Variants in PARVB observed in about 807,000 individuals in gnomAD.
The protein encoded by PARVB is beta-parvin.
In PARVB, 46 loss-of-function variants were observed where a neutral mutation model predicts 47.0. The observed-to-expected ratio is 0.98, with a 90% CI of 0.77 to 1.25. The LOEUF is 1.25. PARVB is among the 50% of genes most tolerant of loss of function. The probability of loss-of-function intolerance (pLI) is 0.00; values close to 1 mark genes in which losing one functional copy is unlikely to be tolerated. For synonymous variants in PARVB, 196 were observed against 196.3 expected, an observed-to-expected ratio of 1.00 and a Z score of 0.01; for missense variants, 473 against 471.6, an observed-to-expected ratio of 1.00 and a Z score of -0.03.
At chr22:44,059,559 C>G (rs1272995765) in intron 1 of PARVB, among the ~76,000 whole-genome samples, 2 of 152,278 alleles carry the variant, frequency 1.3e-5, no homozygotes, top group Admixed American at 6.5e-5. Context: ...CTGATGTACT[C>G]CTTTTGCATA....
chr22:44,166,912 G>C lies in PARVB; in HGVS notation c.1019-1690G>C, dbSNP rs1463769763. Among the ~76,000 whole-genome samples the C allele has an allele frequency of 2.0e-5, 3 of 152,214 alleles. No individual in the cohort carries two copies. In the East Asian group the frequency reaches 5.8e-4, roughly 29 times the overall value. ...GGGGTGCAGTGGCTGCGGTCTCCCT[G>C]ACACCCTCCTCTGAGCTAGGCAGAC... On this transcript the variant is annotated intron_variant, in intron 12 of 12. Coordinates refer to ENST00000338758, the MANE Select transcript of PARVB (RefSeq NM_013327.5).
intron 3 of PARVB, chr22:44,110,593 T>C (rs1411899929): frequency 6.6e-6 from 1 of 152,026 alleles, no homozygotes; most frequent in Non-Finnish European, 1.5e-5. Flanking sequence ...CATTTTATTT[T>C]ATTTTAATTA....
At chr22:44,018,630 A>G (rs2146864875) in intron 2 of PARVB, among the ~76,000 whole-genome samples, 1 of 152,212 alleles carries the variant, frequency 6.6e-6, no homozygotes, top group East Asian at 1.9e-4. Context: ...GTGTAGCCTC[A>G]GCACCCCTTT....
At position 44,119,047 on chromosome 22, in the gene PARVB, G is replaced by A. The variant is rs1186140674; in HGVS notation, c.283G>A (p.Asp95Asn). 5.6e-6 allele frequency: 9 copies of A among 1,613,514 alleles called. No homozygotes were observed. The highest frequency in any genetic ancestry group is 3.3e-5 in the Admixed American group (2 of 60,008). ...KFKELVKVLL[D>N]WINDVLVEER... ...CCTGCGTCTCCTGCAGGTCCTCCTCGACTGGATTAATGACGTGCTGGTGGA... is the reference window on the plus strand; with the variant it reads ...CCTGCGTCTCCTGCAGGTCCTCCTCAACTGGATTAATGACGTGCTGGTGGA... Residue 95 changes from aspartate (D) to asparagine (N), a missense_variant, in exon 4 of 13, where the codon GAC (aspartate) becomes AAC (asparagine). By Grantham distance (23) the Asp-to-Asn change is conservative. Transcript: ENST00000338758.
At chr22:44,130,888 G>A (rs1601652588) in intron 4 of PARVB, among the ~76,000 whole-genome samples, 1 of 151,910 alleles carries the variant, frequency 6.6e-6, no homozygotes, top group East Asian at 1.9e-4. Context: ...ATTCTCTAAG[G>A]AAGATTAGTG....
intron 3 of PARVB, chr22:44,108,251 C>G (rs1392212219): frequency 6.6e-6 from 1 of 152,170 alleles, no homozygotes; most frequent in East Asian, 1.9e-4. Context: ...TCTGTGTGTT[C>G]TGCCAAATCA....
At chr22:44,164,339 G>C (rs560042113) in intron 12 of PARVB, among the ~76,000 whole-genome samples, 1 of 152,260 alleles carries the variant, frequency 6.6e-6, no homozygotes, top group African/African-American at 2.4e-5. Context: ...GCAGGGACTT[G>C]GCATGCTCTG....
chr22:44,046,860 G>A (rs965147711), intron 1 of PARVB, among the ~76,000 whole-genome samples: 1 of 152,150 alleles, frequency 6.6e-6, no homozygotes, highest in Admixed American at 6.5e-5. Context: ...CTCTGCTGAG[G>A]TCCTTATCAG....
intron 3 of PARVB, chr22:44,112,933 C>G (rs1486422594): frequency 1.1e-5 from 1 of 89,288 alleles, no homozygotes; most frequent in Non-Finnish European, 2.1e-5. Context: ...AACTAAGGCC[C>G]TGCACCAACA....
chr22:44,102,565 C>G (rs2052473400), intron 3 of PARVB, among the ~76,000 whole-genome samples: 1 of 152,094 alleles, frequency 6.6e-6, no homozygotes, highest in Non-Finnish European at 1.5e-5. Flanking sequence ...GGGCTGGGCG[C>G]CATGGCTCAC....
In PARVB at chr22:44,125,557, G is replaced by A. The variant is rs1306772161; in HGVS notation, c.377-5930G>A. Among the ~76,000 whole-genome samples the A allele has an allele frequency of 2.0e-5, 3 of 152,198 alleles. No homozygotes were observed. In the East Asian group the frequency reaches 5.8e-4, roughly 29 times the overall value. On this transcript the variant is annotated intron_variant, in intron 4 of 12. Coordinates refer to ENST00000338758, the MANE Select transcript of PARVB (RefSeq NM_013327.5). The surrounding 1 kb of genome is among the most constrained non-coding windows in gnomAD (Gnocchi z 4.1). ...TGTCTGCACAGTGAGCTTGGGAAGG[G>A]CGTTCTGGGCTGAGGCTCTAAAGCG...
chr22:44,100,129 G>A lies in PARVB; in HGVS notation c.273+6G>A, dbSNP rs2052407758. ...AGTTCAAGGAACTGGTCAAGGTAAG[G>A]AGCTCCGTCTTGGTTGGAATCTTCC... On this transcript the variant is annotated splice_donor_region_variant and intron_variant, in intron 3 of 12. Coordinates refer to ENST00000338758, the MANE Select transcript of PARVB (RefSeq NM_013327.5). 1 of 1,611,202 alleles carries A rather than the reference G, an allele frequency of 6.2e-7. No individual in the cohort carries two copies. Among genetic ancestry groups the A allele is most frequent in the Non-Finnish European group, 8.5e-7 (1 of 1,177,426 alleles).
chr22:44,026,282 C>G (rs1569059063), intron 1 of PARVB: 2 of 983,188 alleles, frequency 2.0e-6, no homozygotes, highest in African/African-American at 3.5e-5. Flanking sequence ...ACCAAGAATT[C>G]CGGTAGCAGG....
chr22:44,142,392 A>C, intron 8 of PARVB: 1 of 147,052 alleles, frequency 6.8e-6, no homozygotes, highest in African/African-American at 2.6e-5. Flanking sequence ...AAAAAAAAAA[A>C]AAAAAAAAAA....
intron 1 of PARVB, among the ~76,000 whole-genome samples, chr22:44,067,581 C>T (rs570247185): frequency 5.3e-5 from 8 of 152,328 alleles, no homozygotes; most frequent in South Asian, 4.1e-4. Context: ...ACTGGGCTGG[C>T]GAGGGCCTTC....
Position 44,170,256 on chromosome 22 carries a change from C to G in PARVB, c.*1578C>G, listed in dbSNP as rs1470203185. The G allele has an allele frequency of 1.3e-5, 2 of 152,154 alleles. No individual in the cohort carries two copies. Among genetic ancestry groups the G allele is most frequent in the Non-Finnish European group, 2.9e-5 (2 of 68,056 alleles). The allele number at this position is 152,154 out of a possible 1,614,324, so 9.4% of individuals were successfully genotyped here. ...GCTTGAGCGACCCACCCACCTCAGC[C>G]TCCCAAAGTGCTGGGATTATAGGCA... On this transcript the variant is annotated 3_prime_UTR_variant, in exon 13 of 13. Coordinates refer to ENST00000338758, the MANE Select transcript of PARVB (RefSeq NM_013327.5).
chr22:44,046,753 T>C (rs2051119261), intron 1 of PARVB, among the ~76,000 whole-genome samples: 1 of 152,190 alleles, frequency 6.6e-6, no homozygotes, highest in Non-Finnish European at 1.5e-5. Context: ...GACCTTGGGG[T>C]GTTCCCACCA....
At chr22:44,067,073 C>A (rs1477815437) in intron 1 of PARVB, among the ~76,000 whole-genome samples, 2 of 152,124 alleles carry the variant, frequency 1.3e-5, no homozygotes, top group African/African-American at 4.8e-5. Context: ...AACTCCTGGG[C>A]TCGAGCGGTC....
intron 1 of PARVB, among the ~76,000 whole-genome samples, chr22:44,055,135 T>C (rs1490003646): frequency 6.6e-6 from 1 of 152,030 alleles, no homozygotes; most frequent in Non-Finnish European, 1.5e-5. Flanking sequence ...TATAGTTTAC[T>C]GACTAATATT....
Sources: gnomAD v4.1 joint callset for allele counts (sites outside exome capture counted in the v4.1 genomes callset) on GRCh38, gnomAD v4.1.1 for gene constraint, Gnocchi (gnomAD v3.1) non-coding constraint, MANE v1.5 for transcripts, NCBI Gene and HGNC (gene_info 2026-07-23, HGNC 2026-07-21) for gene names.